NLRP7: variants seen among roughly 807,000 people sequenced by gnomAD.
NLRP7 encodes NACHT, LRR and PYD domains-containing protein 7.
A neutral mutation model predicts 85.5 loss-of-function variants in NLRP7; 72 were observed. The ratio of observed to expected loss-of-function variants is 0.84; its 90% CI spans 0.70 to 1.02. NLRP7 has a LOEUF of 1.02. NLRP7 is among the 50% of genes least tolerant of loss of function. The pLI is 0.00. For missense variants in NLRP7, 1,243 were observed against 1,219.5 expected, an observed-to-expected ratio of 1.02 and a Z score of -0.29; for synonymous variants, 550 against 505.2, an observed-to-expected ratio of 1.09 and a Z score of -1.19.
exon 9 of NLRP7, chr19:54,930,615 C>T (rs374729905): frequency 5.0e-6 from 8 of 1,611,870 alleles, no homozygotes; most frequent in South Asian, 2.2e-5. Flanking sequence ...CTTCTTGGAG[C>T]GCCTCTGAGA....
At chr19:54,958,113 G>T (rs745808379) in intron 1 of NLRP7, among the ~76,000 whole-genome samples, 35 of 152,016 alleles carry the variant, frequency 2.3e-4, no homozygotes, top group Non-Finnish European at 5.0e-4. Flanking sequence ...TACTTGGAAG[G>T]CTAGGGCAGG....
At chr19:54,947,551 C>G (rs182078376), upstream of NLRP7, 3 of 1,289,426 alleles carry the variant, frequency 2.3e-6, no homozygotes, top group African/African-American at 3.0e-5. Context: ...GCCCTTGGTA[C>G]GCTAGGTGGA....
intron 1 of NLRP7, among the ~76,000 whole-genome samples, chr19:54,957,252 G>A (rs954325527): frequency 2.7e-5 from 4 of 150,728 alleles, no homozygotes; most frequent in East Asian, 2.0e-4. Flanking sequence ...AACTCCCGAC[G>A]TCAGGTGATC....
chr19:54,931,031 AAC>A (rs1200821871), intron 8 of NLRP7, among the ~76,000 whole-genome samples: 16 of 152,226 alleles, frequency 1.1e-4, no homozygotes, highest in African/African-American at 1.9e-4. Flanking sequence ...TCAAGAAAAC[AAC>A]AACAACAACA....
At chr19:54,954,473 T>C (rs1602229487) in intron 1 of NLRP7, among the ~76,000 whole-genome samples, 1 of 114,322 alleles carries the variant, frequency 8.7e-6, no homozygotes. Context: ...GAGCTTGCAG[T>C]GAGCCGAGAT....
upstream of NLRP7, among the ~76,000 whole-genome samples, chr19:54,948,065 C>T (rs2146258578): frequency 6.6e-6 from 1 of 152,108 alleles, no homozygotes; most frequent in Middle Eastern, 3.4e-3. Context: ...AGCAAGATGC[C>T]ATCTCTTCAA....
In NLRP7 at chr19:54,941,765, G is replaced by GA. The variant is rs2069240270; in HGVS notation, c.-39-16_-39-15insT. On this transcript the variant is annotated splice_polypyrimidine_tract_variant and intron_variant, in intron 1 of 9. Coordinates refer to ENST00000340844, the Ensembl canonical transcript of NLRP7. ...AGGCTGAAGAACTGGGGGGAAAAAA[G>GA]GAAAAACAGTTCACGAGTTACCATC... 1 of 1,572,722 alleles carries GA rather than the reference G, an allele frequency of 6.4e-7. No homozygotes were observed. The highest frequency in any genetic ancestry group is 1.4e-5 in the African/African-American group (1 of 72,552).
chr19:54,944,125 C>G (rs146443323), intron 1 of NLRP7, among the ~76,000 whole-genome samples: 4 of 151,950 alleles, frequency 2.6e-5, no homozygotes, highest in African/African-American at 2.4e-5. Context: ...AAGACCAGAC[C>G]GTACCCCAGC....
In NLRP7 at chr19:54,940,917, C is replaced by CCGTATTTACCCACCTGGCTTTGCTAA; in HGVS notation, c.340_352+13dup. The CCGTATTTACCCACCTGGCTTTGCTAA allele has an allele frequency of 6.5e-7, 1 of 1,530,642 alleles. No homozygotes were observed. Among genetic ancestry groups the CCGTATTTACCCACCTGGCTTTGCTAA allele is most frequent in the Non-Finnish European group, 9.1e-7 (1 of 1,104,028 alleles). 94.8% of individuals were successfully genotyped at this position (1,530,642 alleles called of 1,614,324 possible). On this transcript the variant is annotated intron_variant, in intron 3 of 9. Transcript: ENST00000340844. ...AAACACCAAACTCATGACCATAGGA[C>CCGTATTTACCCACCTGGCTTTGCTAA]CGTATTTACCCACCTGGCTTTGCTA...
At chr19:54,953,761 C>T (rs937923291) in intron 1 of NLRP7, among the ~76,000 whole-genome samples, 4 of 150,708 alleles carry the variant, frequency 2.7e-5, no homozygotes, top group African/African-American at 7.3e-5. Context: ...CCAGCACTTT[C>T]GGGGGCTGAG....
chr19:54,933,852 C>G, intron 7 of NLRP7, 113 bp from the exon 8 acceptor site: 1 of 922,082 alleles, frequency 1.1e-6, no homozygotes, highest in Non-Finnish European at 1.8e-6. Flanking sequence ...TGTTCATCCC[C>G]TGCCCTCTGT....
At chr19:54,956,827 A>G (rs1276526020) in intron 1 of NLRP7, among the ~76,000 whole-genome samples, 1 of 151,406 alleles carries the variant, frequency 6.6e-6, no homozygotes, top group Non-Finnish European at 1.5e-5. Context: ...ACGGGGTTTC[A>G]CCATGTTGGC....
intron 8 of NLRP7, among the ~76,000 whole-genome samples, chr19:54,931,148 G>T (rs536715627): frequency 6.6e-6 from 1 of 152,330 alleles, no homozygotes; most frequent in African/African-American, 2.4e-5. Context: ...AATGGGCCGG[G>T]CACAGTGGCT....
At chr19:54,933,636 C>T (rs2068768085) in exon 8 of NLRP7, 2 of 1,614,184 alleles carry the variant, frequency 1.2e-6, no homozygotes, top group South Asian at 1.1e-5. Context: ...CCTGTATCCC[C>T]AATGGGGTTC....
chr19:54,955,097 G>A (rs1464729078), intron 1 of NLRP7, among the ~76,000 whole-genome samples: 1 of 152,156 alleles, frequency 6.6e-6, no homozygotes, highest in African/African-American at 2.4e-5. Flanking sequence ...GGAGGCCAAG[G>A]CTGGCGGATC....
At chr19:54,956,442 G>A (rs1354679804) in intron 1 of NLRP7, among the ~76,000 whole-genome samples, 1 of 150,320 alleles carries the variant, frequency 6.7e-6, no homozygotes, top group Non-Finnish European at 1.5e-5. Context: ...GTCATTCCAG[G>A]ATTTTGGGAG....
At chr19:54,941,681 G>T (rs2069233674) in exon 2 of NLRP7, 1 of 1,613,418 alleles carries the variant, frequency 6.2e-7, no homozygotes, top group African/African-American at 1.3e-5. Flanking sequence ...AGAAGGGTCT[G>T]CAGAGTCCAC....
At chr19:54,936,738 AG>A (rs1251781480) in intron 5 of NLRP7, among the ~76,000 whole-genome samples, 2 of 152,082 alleles carry the variant, frequency 1.3e-5, no homozygotes, top group Non-Finnish European at 2.9e-5. Context: ...AACATGGGGA[AG>A]CCCCGTCTCT....
chr19:54,956,589 G>T (rs2069861719), intron 1 of NLRP7, among the ~76,000 whole-genome samples: 1 of 151,758 alleles, frequency 6.6e-6, no homozygotes, highest in Non-Finnish European at 1.5e-5. Flanking sequence ...AGCTACTCGG[G>T]AGGCTGAGGC....
Sources: gnomAD v4.1 joint callset for allele counts (sites outside exome capture counted in the v4.1 genomes callset) on GRCh38, gnomAD v4.1.1 for gene constraint, MANE v1.5 for transcripts, NCBI Gene and HGNC (gene_info 2026-07-23, HGNC 2026-07-21) for gene names.